The following TMEM132B variants were observed in gnomAD, a reference collection of about 807,000 sequenced individuals.
The protein encoded by TMEM132B is transmembrane protein 132B.
In TMEM132B, 18 loss-of-function variants were observed where a neutral mutation model predicts 90.8. The ratio of observed to expected loss-of-function variants is 0.20; its 90% confidence interval spans 0.14 to 0.29. The LOEUF is 0.29. TMEM132B is among the 10% of genes least tolerant of loss of function. TMEM132B has a pLI of 1.00. For synonymous variants in TMEM132B, 504 were observed against 523.3 expected (o/e 0.96, Z 0.50); for missense variants, 1,096 against 1,326.8 (o/e 0.83, Z 2.70).
intron 3 of TMEM132B, among the ~76,000 whole-genome samples, chr12:125,423,219 C>T (rs920370305): frequency 1.3e-5 from 2 of 152,140 alleles, no homozygotes; most frequent in South Asian, 2.1e-4. Flanking sequence ...TAGTTTTAAA[C>T]GATTTTAGGA....
chr12:125,505,184 A>AAAC (rs1566056592), intron 3 of TMEM132B, among the ~76,000 whole-genome samples: 3 of 144,234 alleles, frequency 2.1e-5, no homozygotes, highest in Non-Finnish European at 4.5e-5. Context: ...AAAAAAAAAA[A>AAAC]AAAAAAAAAA....
chr12:125,300,683 G>A (rs1875798326), intron 1 of TMEM132B, among the ~76,000 whole-genome samples: 1 of 152,194 alleles, frequency 6.6e-6, no homozygotes, highest in African/African-American at 2.4e-5. Flanking sequence ...GAGGTAGGAG[G>A]AGCCGTCATT....
chr12:125,383,400 C>G (rs1878739178), intron 2 of TMEM132B, among the ~76,000 whole-genome samples: 1 of 152,130 alleles, frequency 6.6e-6, no homozygotes, highest in Non-Finnish European at 1.5e-5. Flanking sequence ...CTATCACTCA[C>G]TAAGGTGGAA....
At chr12:125,257,566 G>A (rs932772466) in intron 1 of TMEM132B, among the ~76,000 whole-genome samples, 2 of 152,174 alleles carry the variant, frequency 1.3e-5, no homozygotes, top group African/African-American at 4.8e-5. Flanking sequence ...GGTGTGGTAG[G>A]CTGAATAAAC....
At chr12:125,555,425 A>G (rs1023764504) in intron 4 of TMEM132B, among the ~76,000 whole-genome samples, 15 of 151,860 alleles carry the variant, frequency 9.9e-5, no homozygotes, top group Non-Finnish European at 2.1e-4. Flanking sequence ...CAGTCTGGAA[A>G]AAAAAAAGAG....
intron 6 of TMEM132B, among the ~76,000 whole-genome samples, chr12:125,648,448 C>G (rs1466109603): frequency 6.6e-6 from 1 of 150,994 alleles, no homozygotes; most frequent in Non-Finnish European, 1.5e-5. Flanking sequence ...ATACCATTGC[C>G]AATTTCCTGG....
intron 1 of TMEM132B, among the ~76,000 whole-genome samples, chr12:125,313,978 A>C (rs1448634512): frequency 3.3e-5 from 5 of 151,876 alleles, no homozygotes; most frequent in Admixed American, 6.6e-5. Context: ...GTCTTCTGGC[A>C]CATGATGGGC....
Position 125,640,266 on chromosome 12 carries a change from C to T in TMEM132B, c.1438-3810C>T, listed in dbSNP as rs534318210. Among the ~76,000 whole-genome samples, 3 of 152,208 alleles carry T rather than the reference C, an allele frequency of 2.0e-5. No homozygotes were observed. In the East Asian group the frequency reaches 5.8e-4, roughly 29 times the overall value. The stretch of plus-strand genomic sequence containing the variant: ...GGGTTTAATGATGGAGGTAGGGAGG[C>T]CTGTGGTGAATGGAGGGCAGTGGAT... On this transcript the variant is annotated intron_variant, in intron 5 of 8. Transcript: ENST00000682704.
intron 3 of TMEM132B, among the ~76,000 whole-genome samples, chr12:125,446,849 C>A (rs1012197587): frequency 6.6e-6 from 1 of 152,146 alleles, no homozygotes; most frequent in Non-Finnish European, 1.5e-5. Flanking sequence ...TGCTGGCTAG[C>A]AACCATGAAA....
chr12:125,300,783 C>T (rs1186015084), intron 1 of TMEM132B, among the ~76,000 whole-genome samples: 2 of 152,184 alleles, frequency 1.3e-5, no homozygotes, highest in Non-Finnish European at 2.9e-5. Flanking sequence ...TGGCTGGGAT[C>T]TGAACCCCGG....
chr12:125,258,637 A>G lies in TMEM132B; in HGVS notation c.67+71771A>G, dbSNP rs868261574. On this transcript the variant is annotated intron_variant, in intron 1 of 8. Coordinates refer to ENST00000682704, the MANE Select transcript of TMEM132B (RefSeq NM_001366854.1). The stretch of plus-strand genomic sequence containing the variant: ...CACCCTGCTGGTCAAAGTCCTCATA[A>G]GCCCACCCAGATTGAATGGGAAGGG... 9.2e-5 allele frequency among the ~76,000 whole-genome samples: 14 copies of G among 152,264 alleles called. No individual in the cohort carries two copies. The South Asian group carries it at 1.5e-3, about 16-fold the overall frequency.
chr12:125,575,057 CATATATATATATAT>C lies in TMEM132B; in HGVS notation c.1294-8781_1294-8768del, dbSNP rs147688714. ...ATGAAATCCCAAACCTATTAGCTGT[CATATATATATATAT>C]ATATATATATATTCAGGAGTAGAAT... On this transcript the variant is annotated intron_variant, in intron 4 of 8. Transcript: ENST00000682704. Among the ~76,000 whole-genome samples the C allele has an allele frequency of 1.8e-4, 8 of 43,892 alleles. No homozygotes were observed. In the East Asian group the frequency reaches 4.0e-3, roughly 22 times the overall value. The allele number at this position is 43,892 out of a possible 152,430, so 28.8% of individuals were successfully genotyped here.
intron 4 of TMEM132B, among the ~76,000 whole-genome samples, chr12:125,571,621 C>T (rs924833834): frequency 3.3e-5 from 5 of 152,186 alleles, no homozygotes; most frequent in Non-Finnish European, 7.3e-5. Context: ...TGCCTGTTCT[C>T]TTGGTTATAT....
chr12:125,576,146 T>TA (rs568533126), intron 4 of TMEM132B, among the ~76,000 whole-genome samples: 25 of 152,108 alleles, frequency 1.6e-4, no homozygotes, highest in Non-Finnish European at 3.1e-4. Flanking sequence ...TAGGTATTTT[T>TA]AAAATTTTTT....
At chr12:125,320,140 G>A (rs1015931977) in intron 1 of TMEM132B, among the ~76,000 whole-genome samples, 1 of 152,202 alleles carries the variant, frequency 6.6e-6, no homozygotes, top group African/African-American at 2.4e-5. Context: ...GGCCTTTTGG[G>A]GGCTGGCTTG....
intron 3 of TMEM132B, among the ~76,000 whole-genome samples, chr12:125,493,542 C>A (rs983200718): frequency 1.3e-5 from 2 of 152,094 alleles, no homozygotes; most frequent in African/African-American, 4.8e-5. Context: ...CTTCCACTCA[C>A]CTTCCTCTCT....
At chr12:125,238,402 C>T (rs10744196) in intron 1 of TMEM132B, among the ~76,000 whole-genome samples, 29,708 of 140,176 alleles carry the variant, frequency 0.21, 3,370 homozygotes, top group East Asian at 0.39. Context: ...AAAACAAAAA[C>T]GCAGTCTCAG....
chr12:125,432,503 G>GTATGTGTATATATATA (rs1566034816), intron 3 of TMEM132B, among the ~76,000 whole-genome samples: 160 of 13,906 alleles, frequency 0.012, 49 homozygotes, highest in African/African-American at 0.027. Flanking sequence ...GTATATATAT[G>GTATGTGTATATATATA]TGTGTGTGTA....
intron 5 of TMEM132B, 53 bp from the exon 6 acceptor site, chr12:125,644,023 T>C: frequency 6.5e-7 from 1 of 1,544,428 alleles, no homozygotes; most frequent in Non-Finnish European, 8.9e-7. Context: ...TTGTTGTTTT[T>C]TCCTTGTGCT....
Sources: allele counts gnomAD v4.1 joint callset (sites outside exome capture counted in the v4.1 genomes callset), GRCh38; gene constraint gnomAD v4.1.1; transcripts MANE v1.5; gene names NCBI Gene and HGNC (gene_info 2026-07-23, HGNC 2026-07-21).